The following PCM1 variants were observed in gnomAD, a reference collection of about 807,000 sequenced individuals.
The protein encoded by PCM1 is pericentriolar material 1, also known as pericentriolar material 1 protein.
PCM1 carries 157 observed loss-of-function variants against 241.9 expected under a neutral mutation model. That is an observed-to-expected ratio of 0.65 (90% CI 0.57 to 0.74). The LOEUF (loss-of-function observed/expected upper bound fraction) is 0.74. PCM1 is among the 30% of genes least tolerant of loss of function. The pLI is 0.00. For synonymous variants in PCM1, 1,085 were observed against 784.9 expected (o/e 1.38, Z -6.39); for missense variants, 3,478 against 2,360.1 (o/e 1.47, Z -9.81).
At position 17,963,082 on chromosome 8, in the gene PCM1, G is replaced by C; in HGVS notation, c.2464-19G>C. The C allele has an allele frequency of 6.4e-7, 1 of 1,564,964 alleles. No individual in the cohort carries two copies. Among genetic ancestry groups the C allele is most frequent in the Non-Finnish European group, 8.7e-7 (1 of 1,150,002 alleles). ...CAAATCCAAATATTTATTTAACTCTGGTTTCTTAAAAAAAATAGTTGTGGT... is the reference window on the plus strand; with the variant it reads ...CAAATCCAAATATTTATTTAACTCTCGTTTCTTAAAAAAAATAGTTGTGGT... On this transcript the variant is annotated intron_variant, in intron 16 of 38. Coordinates refer to ENST00000325083, the MANE Select transcript of PCM1 (RefSeq NM_006197.4).
chr8:18,012,737 A>G (rs2092681602), intron 34 of PCM1, among the ~76,000 whole-genome samples: 1 of 151,988 alleles, frequency 6.6e-6, no homozygotes, highest in Non-Finnish European at 1.5e-5. Context: ...TCCTTCTGTA[A>G]TTATCAGATA....
intron 15 of PCM1, among the ~76,000 whole-genome samples, chr8:17,960,877 G>A (rs533889860): frequency 6.6e-6 from 1 of 152,008 alleles, no homozygotes; most frequent in Non-Finnish European, 1.5e-5. Context: ...TTAATGAAGT[G>A]GATGAACTAA....
intron 13 of PCM1, among the ~76,000 whole-genome samples, chr8:17,959,575 C>CTCTAGAACAATTAGTTT (rs61078034): frequency 0.78 from 118,994 of 151,658 alleles, 47,318 homozygotes; most frequent in African/African-American, 0.87. Context: ...CTTAATTGGT[C>CTCTAGAACAATTAGTTT]TCTAGAGAGC....
Position 17,960,155 on chromosome 8 carries a change from G to A in PCM1, c.2182G>A (p.Glu728Lys). 2 of 1,571,834 alleles carry A rather than the reference G, an allele frequency of 1.3e-6. No individual in the cohort carries two copies. The highest frequency in any genetic ancestry group is 1.7e-6 in the Non-Finnish European group (2 of 1,159,176). Residue 728 changes from glutamate (E) to lysine (K), a missense_variant, in exon 14 of 39, where the codon GAA becomes AAA. Glu to Lys is a moderately conservative substitution (Grantham distance 56). Transcript: ENST00000325083. ...AACACAGAAAGATACTGGAGTAAAT[G>A]AAAAGGCAAGGTATGTTAAGCTTTT... ...NKTQKDTGVN[E>K]KAREKFYEAK...
chr8:17,962,962 T>G (rs2073173994), intron 16 of PCM1, 139 bp from the exon 17 acceptor site: 1 of 622,738 alleles, frequency 1.6e-6, no homozygotes, highest in Non-Finnish European at 2.7e-6. Flanking sequence ...TATTTTAACC[T>G]TCATGGACAT....
Position 17,934,268 on chromosome 8 carries a change from CT to C in PCM1, c.-22-1309del, listed in dbSNP as rs34603700. On this transcript the variant is annotated intron_variant, in intron 2 of 38. Coordinates refer to ENST00000325083, the MANE Select transcript of PCM1 (RefSeq NM_006197.4). Reference sequence around the variant, plus strand: ...TATTACTATTTATTTAATTTTTAATCTTTTTTTTTTTTGAGATGGTTTTTTG... The same window carrying C: ...TATTACTATTTATTTAATTTTTAATCTTTTTTTTTTTGAGATGGTTTTTTG... Among the ~76,000 whole-genome samples the C allele has an allele frequency of 9.0e-3, 1,314 of 145,836 alleles. 15 individuals are homozygous for C. The highest frequency in any genetic ancestry group is 0.03 in the African/African-American group (1,200 of 39,724).
At chr8:17,927,883 A>T (rs1039214657) in intron 2 of PCM1, 36 of 134,848 alleles carry the variant, frequency 2.7e-4, no homozygotes, top group Non-Finnish European at 5.3e-4. Context: ...AAAAAAAAAA[A>T]GTCATTGAAA....
rs747252454 is a variant in PCM1 at position 17,972,311 on chromosome 8, C to T, written c.3585-18C>T. 5.0e-5 allele frequency: 70 copies of T among 1,403,774 alleles called. No homozygotes were observed. Among genetic ancestry groups the T allele is most frequent in the Admixed American group, 3.9e-4 (14 of 36,250 alleles). The allele number at this position is 1,403,774 out of a possible 1,614,324, so 87.0% of individuals were successfully genotyped here. On this transcript the variant is annotated intron_variant, in intron 22 of 38. Transcript: ENST00000325083. ...AACTATAGTTGTTAACTTATAAAAA[C>T]TTGTTTTCATTGGTAAGGAATAAAA...
intron 2 of PCM1, among the ~76,000 whole-genome samples, chr8:17,930,630 G>A (rs2058697158): frequency 6.6e-6 from 1 of 151,828 alleles, no homozygotes; most frequent in Admixed American, 6.6e-5. Context: ...TGTAATCCCA[G>A]CACTTTGGGA....
intron 2 of PCM1, chr8:17,925,774 T>C (rs1371596811): frequency 1.3e-5 from 2 of 152,142 alleles, no homozygotes; most frequent in African/African-American, 4.8e-5. Context: ...GAGCAGGAGG[T>C]TGCAGTGAGC....
chr8:17,978,717 C>G (rs2079608500), intron 23 of PCM1, among the ~76,000 whole-genome samples: 1 of 151,904 alleles, frequency 6.6e-6, no homozygotes. Context: ...GACCTTTATA[C>G]AGGGGAAGAT....
intron 6 of PCM1, among the ~76,000 whole-genome samples, chr8:17,943,914 C>T (rs1032559769): frequency 3.3e-5 from 5 of 152,084 alleles, no homozygotes; most frequent in Non-Finnish European, 7.4e-5. Flanking sequence ...TGAGACTTAA[C>T]GCATGATATG....
chr8:17,955,704 TTC>T (rs766333355), intron 10 of PCM1, 51 bp downstream of exon 10: 24 of 1,389,674 alleles, frequency 1.7e-5, no homozygotes, highest in African/African-American at 2.9e-5. Context: ...TAGGGATAAA[TTC>T]TGTTTTTTTT....
At position 17,957,346 on chromosome 8, in the gene PCM1, A is replaced by T; in HGVS notation, c.1729A>T (p.Thr577Ser). Residue 577 changes from threonine (T) to serine (S), a missense_variant, in exon 12 of 39, where the codon ACA becomes TCA. Transcript: ENST00000325083. Reference protein sequence around the residue: ...QCVSNNRDGRTVNSNCEINNR... With the variant: ...QCVSNNRDGRSVNSNCEINNR... ...TGTTTCTAATAATAGAGATGGGCGA[A>T]CAGTTAATTCTAATTGTGAAATTAA... 2 of 1,611,718 alleles carry T rather than the reference A, an allele frequency of 1.2e-6. No individual in the cohort carries two copies. Among genetic ancestry groups the T allele is most frequent in the Non-Finnish European group, 1.7e-6 (2 of 1,178,074 alleles).
intron 22 of PCM1, among the ~76,000 whole-genome samples, chr8:17,971,092 C>G (rs951466668): frequency 2.0e-5 from 3 of 152,198 alleles, no homozygotes; most frequent in Non-Finnish European, 4.4e-5. Flanking sequence ...TGCAATAACA[C>G]TTTATTTATG....
At chr8:17,987,907 G>A (rs886798506) in intron 26 of PCM1, among the ~76,000 whole-genome samples, 3 of 151,762 alleles carry the variant, frequency 2.0e-5, no homozygotes, top group Non-Finnish European at 4.4e-5. Context: ...GGTGTTTTTT[G>A]TATTGGACAG....
At chr8:17,936,789 G>A (rs2060562150) in intron 3 of PCM1, among the ~76,000 whole-genome samples, 1 of 152,078 alleles carries the variant, frequency 6.6e-6, no homozygotes. Context: ...ATCGGTAAAG[G>A]TATCTGTAAT....
intron 23 of PCM1, among the ~76,000 whole-genome samples, chr8:17,976,935 ATTT>A (rs2078985461): frequency 1.3e-5 from 2 of 150,584 alleles, no homozygotes; most frequent in African/African-American, 2.4e-5. Context: ...AGTTTCAGCT[ATTT>A]TGGAGGATGA....
At position 17,966,386 on chromosome 8, in the gene PCM1, A is replaced by G. The variant is rs758273868; in HGVS notation, c.3134A>G (p.Asn1045Ser). ...LTGPYSVMPS[N>S]VASPQVHFIM... ...GGTCCTTACAGTGTTATGCCCAGCA[A>G]TGTTGCATCTCCTCAAGTACACTTC... The change falls in exon 20 of 39, where the codon AAT (asparagine) becomes AGT (serine). Residue 1045 changes from asparagine (N) to serine (S), a missense_variant. Coordinates refer to ENST00000325083, the MANE Select transcript of PCM1 (RefSeq NM_006197.4). 65 of 1,613,476 alleles carry G rather than the reference A, an allele frequency of 4.0e-5. No individual in the cohort carries two copies. Among genetic ancestry groups the G allele is most frequent in the East Asian group, 1.1e-4 (5 of 44,874 alleles).
Sources: gnomAD v4.1 joint callset for allele counts (sites outside exome capture counted in the v4.1 genomes callset) on GRCh38, gnomAD v4.1.1 for gene constraint, MANE v1.5 for transcripts, NCBI Gene and HGNC (gene_info 2026-07-23, HGNC 2026-07-21) for gene names.